The following HMGCS2 variants were observed in gnomAD, a reference collection of about 807,000 sequenced individuals.
HMGCS2 encodes hydroxymethylglutaryl-CoA synthase, mitochondrial.
In HMGCS2, 50 loss-of-function variants were observed where a neutral mutation model predicts 57.4. That is an observed-to-expected ratio of 0.87 (90% CI 0.69 to 1.10). HMGCS2 has a LOEUF of 1.10. HMGCS2 is among the 50% of genes least tolerant of loss of function. HMGCS2 has a pLI of 0.00. For synonymous variants in HMGCS2, 254 were observed against 245.1 expected, an observed-to-expected ratio of 1.04 and a Z score of -0.34; for missense variants, 627 against 636.5, an observed-to-expected ratio of 0.99 and a Z score of 0.16.
At chr1:119,766,007 G>A (rs942956442) in intron 1 of HMGCS2, among the ~76,000 whole-genome samples, 14 of 152,190 alleles carry the variant, frequency 9.2e-5, no homozygotes, top group African/African-American at 1.7e-4. Flanking sequence ...AATTCTAAAC[G>A]AGAGCAGAGG....
intron 2 of HMGCS2, 21 bp downstream of exon 2, chr1:119,764,151 A>G (rs1653129696): frequency 6.2e-7 from 1 of 1,607,644 alleles, no homozygotes; most frequent in African/African-American, 1.3e-5. Context: ...TTTCTTACAT[A>G]AGGTTCGTGG....
upstream of HMGCS2, chr1:119,768,930 T>TATAAAG: frequency 1.1e-6 from 1 of 952,336 alleles, no homozygotes; most frequent in Non-Finnish European, 1.7e-6. Flanking sequence ...GGCAGGACTT[T>TATAAAG]ATAAAGCCCC....
rs587686291 is a variant in HMGCS2, at chr1:119,748,692, G to C, written c.*155C>G. ...AGGAATGAAGGGCCCGCTAGAGATG[G>C]CTCCTCACTCTACAGGGCTGATGCT... On this transcript the variant is annotated 3_prime_UTR_variant, in exon 10 of 10. Transcript: ENST00000369406. 6.6e-6 allele frequency: 1 copy of C among 152,154 alleles called. No homozygotes were observed. The highest frequency in any genetic ancestry group is 2.4e-5 in the African/African-American group (1 of 41,402). The allele number at this position is 152,154 out of a possible 1,614,324, so 9.4% of individuals were successfully genotyped here.
chr1:119,767,659 C>T (rs977680453), intron 1 of HMGCS2, among the ~76,000 whole-genome samples: 2 of 152,172 alleles, frequency 1.3e-5, no homozygotes, highest in Non-Finnish European at 2.9e-5. Flanking sequence ...ATGGGATTAA[C>T]TGTGAATATA....
Position 119,748,496 on chromosome 1 carries a change from C to T in HMGCS2, c.*351G>A, listed in dbSNP as rs376608094. 111 of 152,370 alleles carry T rather than the reference C, an allele frequency of 7.3e-4. No individual in the cohort carries two copies. Among genetic ancestry groups the T allele is most frequent in the African/African-American group, 2.6e-3 (106 of 41,568 alleles). The allele number at this position is 152,370 out of a possible 1,614,324, so 9.4% of individuals were successfully genotyped here. On this transcript the variant is annotated 3_prime_UTR_variant, in exon 10 of 10. Transcript: ENST00000369406. ...TATTAATAATAATAAAGTTCTAACA[C>T]ATGACAGGAAAGTTTATCTGGATCT...
chr1:119,754,716 A>G (rs1652775842), intron 6 of HMGCS2, among the ~76,000 whole-genome samples: 1 of 152,200 alleles, frequency 6.6e-6, no homozygotes, highest in East Asian at 1.9e-4. Flanking sequence ...ATCCAAAGTC[A>G]ACCCTAATAA....
intron 3 of HMGCS2, 28 bp downstream of exon 3, chr1:119,759,836 A>T: frequency 6.2e-7 from 1 of 1,613,582 alleles, no homozygotes; most frequent in Non-Finnish European, 8.5e-7. Flanking sequence ...TGCCATGCAC[A>T]GCCTCTTGGT....
At position 119,750,897 on chromosome 1, in the gene HMGCS2, G is replaced by T; in HGVS notation, c.1432C>A (p.Pro478Thr). 1 of 1,607,574 alleles carries T rather than the reference G, an allele frequency of 6.2e-7. No individual in the cohort carries two copies. The highest frequency in any genetic ancestry group is 8.5e-7 in the Non-Finnish European group (1 of 1,174,098). ...EQFYHKVNFS[P>T]PGDTNSLFPG... ...AAAAGGCTGTTTGTGTCACCAGGTG[G>T]GGAGAAATTCACTGTGGAATGAGGA... Residue 478 changes from proline to threonine, a missense_variant, in exon 9 of 10, where the codon CCA (proline) becomes ACA (threonine). Coordinates refer to ENST00000369406, the MANE Select transcript of HMGCS2 (RefSeq NM_005518.4).
intron 4 of HMGCS2, 77 bp downstream of exon 4, chr1:119,759,041 C>T: frequency 1.4e-6 from 2 of 1,385,888 alleles, no homozygotes; most frequent in Non-Finnish European, 2.1e-6. Context: ...AGAGAAAAGA[C>T]CATCTCATGG....
chr1:119,750,455 G>T (rs911840348), intron 9 of HMGCS2, among the ~76,000 whole-genome samples: 2 of 152,150 alleles, frequency 1.3e-5, no homozygotes, highest in Non-Finnish European at 1.5e-5. Context: ...TCACATTCAA[G>T]ATTTCAGAAC....
intron 1 of HMGCS2, among the ~76,000 whole-genome samples, chr1:119,767,398 C>G (rs587750633): frequency 3.3e-5 from 5 of 152,156 alleles, no homozygotes; most frequent in African/African-American, 1.2e-4. Context: ...GCAGTGGCCA[C>G]GGCAGGGGGT....
chr1:119,767,245 A>G (rs3790692), intron 1 of HMGCS2, among the ~76,000 whole-genome samples: 53,549 of 152,038 alleles, frequency 0.35, 9,882 homozygotes, highest in Non-Finnish European at 0.41. Context: ...AAGGAATGTG[A>G]GCAAAATCTA....
intron 9 of HMGCS2, among the ~76,000 whole-genome samples, chr1:119,749,232 C>CT (rs939632827): frequency 8.6e-5 from 13 of 151,480 alleles, no homozygotes; most frequent in East Asian, 5.8e-4. Flanking sequence ...AGAGTTCCAG[C>CT]TTTTTTTTTC....
intron 5 of HMGCS2, among the ~76,000 whole-genome samples, chr1:119,756,255 T>C (rs1021338049): frequency 4.6e-5 from 7 of 152,310 alleles, no homozygotes; most frequent in Non-Finnish European, 1.0e-4. Flanking sequence ...TATTAATGAA[T>C]ATGCATATTT....
intron 5 of HMGCS2, among the ~76,000 whole-genome samples, chr1:119,756,744 G>C (rs587735234): frequency 3.9e-5 from 6 of 152,284 alleles, no homozygotes; most frequent in Non-Finnish European, 8.8e-5. Flanking sequence ...GCAAAAGCAG[G>C]ACATGAATTA....
intron 1 of HMGCS2, among the ~76,000 whole-genome samples, chr1:119,767,228 C>A (rs963770176): frequency 7.2e-5 from 11 of 152,024 alleles, no homozygotes; most frequent in Non-Finnish European, 1.5e-4. Context: ...GTGGTCAGGC[C>A]CACAAAAAGG....
intron 9 of HMGCS2, 121 bp from the exon 10 acceptor site, chr1:119,748,962 G>T (rs1241106753): frequency 6.6e-6 from 1 of 152,386 alleles, no homozygotes; most frequent in Non-Finnish European, 1.5e-5. Flanking sequence ...TCCTGAGGGT[G>T]CTCCCACTAT....
chr1:119,758,067 C>T (rs1039136241), intron 4 of HMGCS2, among the ~76,000 whole-genome samples: 1 of 152,242 alleles, frequency 6.6e-6, no homozygotes, highest in African/African-American at 2.4e-5. Context: ...GTGTCCCACC[C>T]ACTGCAGTAG....
intron 4 of HMGCS2, 67 bp from the exon 5 acceptor site, chr1:119,757,505 G>A (rs917024417): frequency 1.2e-6 from 2 of 1,610,112 alleles, no homozygotes; most frequent in Admixed American, 3.3e-5. Flanking sequence ...TCCTCCCTGA[G>A]ATTTAACTGT....
Sources: gnomAD v4.1 joint callset for allele counts (sites outside exome capture counted in the v4.1 genomes callset) on GRCh38, gnomAD v4.1.1 for gene constraint, MANE v1.5 for transcripts, NCBI Gene and HGNC (gene_info 2026-07-23, HGNC 2026-07-21) for gene names.